Variants in KANK1 observed in about 807,000 individuals in gnomAD.
KANK1 encodes the protein KN motif and ankyrin repeat domains 1, also known as KN motif and ankyrin repeat domain-containing protein 1.
Under a neutral mutation model 106.2 loss-of-function variants are expected in KANK1, and 109 were observed. That is an observed-to-expected ratio of 1.03 (90% CI 0.88 to 1.20). The LOEUF (loss-of-function observed/expected upper bound fraction) is 1.20, where lower values mean the gene tolerates loss of function less well. Ranked by LOEUF, KANK1 falls within the 50% of genes most tolerant of loss-of-function variation. The pLI, the probability that KANK1 is intolerant of heterozygous loss-of-function variation, is 0.00. For synonymous variants in KANK1, 873 were observed against 652.2 expected, an observed-to-expected ratio of 1.34 and a Z score of -5.16; for missense variants, 2,399 against 1,710.7, an observed-to-expected ratio of 1.40 and a Z score of -7.10.
chr9:738,897 G>C (rs1834554104), intron 8 of KANK1, among the ~76,000 whole-genome samples: 1 of 152,200 alleles, frequency 6.6e-6, no homozygotes, highest in Non-Finnish European at 1.5e-5. Context: ...CTTGGTGCGT[G>C]TGGACCACTT....
chr9:570,731 T>C (rs1416062395), intron 1 of KANK1, among the ~76,000 whole-genome samples: 1 of 152,220 alleles, frequency 6.6e-6, no homozygotes, highest in Non-Finnish European at 1.5e-5. Context: ...TTTTAGGAAA[T>C]ATGCATGCTA....
chr9:536,449 C>T (rs914092228), intron 1 of KANK1, among the ~76,000 whole-genome samples: 3 of 152,094 alleles, frequency 2.0e-5, no homozygotes, highest in African/African-American at 7.2e-5. Context: ...GGACCAGTTC[C>T]TTCTGAAGGT....
At chr9:569,516 C>T (rs1330830777) in intron 1 of KANK1, among the ~76,000 whole-genome samples, 2 of 152,142 alleles carry the variant, frequency 1.3e-5, no homozygotes, top group Admixed American at 1.3e-4. Flanking sequence ...TCTGTCAAGT[C>T]CCCACCAGCA....
chr9:523,732 G>A (rs780180266), intron 1 of KANK1, among the ~76,000 whole-genome samples: 20 of 151,560 alleles, frequency 1.3e-4, no homozygotes, highest in Non-Finnish European at 2.2e-4. Flanking sequence ...TTGCTCAGAT[G>A]TCACCATGTC....
intron 1 of KANK1, among the ~76,000 whole-genome samples, chr9:606,566 AT>A (rs1487290827): frequency 3.7e-5 from 5 of 136,276 alleles, no homozygotes; most frequent in East Asian, 3.9e-4. Context: ...CAGAAAAAAA[AT>A]ATATGTGTGT....
chr9:561,597 A>G (rs1816461462), intron 1 of KANK1, among the ~76,000 whole-genome samples: 1 of 152,228 alleles, frequency 6.6e-6, no homozygotes. Flanking sequence ...GCTTTTGAAT[A>G]CTTATTGCCA....
chr9:544,968 C>T (rs2060842647), intron 1 of KANK1, among the ~76,000 whole-genome samples: 2 of 152,062 alleles, frequency 1.3e-5, no homozygotes, highest in South Asian at 2.1e-4. Context: ...GTGAGGATGG[C>T]CTGAGAACGG....
intron 5 of KANK1, 182 bp downstream of exon 5, chr9:731,448 G>A (rs1308397217): frequency 8.2e-6 from 4 of 490,400 alleles, no homozygotes. Flanking sequence ...TGTCTTTAAG[G>A]ATTTGTCACT....
chr9:700,984 T>A (rs1324415712), intron 2 of KANK1, among the ~76,000 whole-genome samples: 2 of 152,184 alleles, frequency 1.3e-5, no homozygotes, highest in African/African-American at 4.8e-5. Context: ...TTGCTCATAT[T>A]AAAGAATGGC....
intron 10 of KANK1, among the ~76,000 whole-genome samples, chr9:743,435 T>A (rs1354864546): frequency 6.6e-6 from 1 of 152,090 alleles, no homozygotes; most frequent in East Asian, 1.9e-4. Context: ...TCCAGAAGAG[T>A]TTGTTAGCTG....
intron 1 of KANK1, among the ~76,000 whole-genome samples, chr9:648,645 G>C (rs1010837686): frequency 5.3e-5 from 8 of 152,212 alleles, no homozygotes; most frequent in Non-Finnish European, 1.0e-4. Context: ...CAAAGGTAGA[G>C]TGTAATAAGT....
intron 1 of KANK1, among the ~76,000 whole-genome samples, chr9:667,459 G>C (rs1219586468): frequency 3.3e-5 from 5 of 151,496 alleles, no homozygotes; most frequent in Non-Finnish European, 7.4e-5. Context: ...ATTTGGGTTT[G>C]GCTTGGTCTT....
chr9:494,171 G>A (rs755940477), intron 3 of KANK1, among the ~76,000 whole-genome samples: 9 of 152,268 alleles, frequency 5.9e-5, no homozygotes, highest in Admixed American at 1.3e-4. Context: ...ATGAGCCACC[G>A]CACCCAGCAA....
intron 2 of KANK1, chr9:707,274 C>T: frequency 1.0e-6 from 1 of 974,938 alleles, no homozygotes; most frequent in Non-Finnish European, 1.2e-6. Flanking sequence ...CGGCGTGGGG[C>T]GGCCACCGCT....
chr9:701,500 A>G (rs1030804829), intron 2 of KANK1, among the ~76,000 whole-genome samples: 1 of 152,182 alleles, frequency 6.6e-6, no homozygotes, highest in Non-Finnish European at 1.5e-5. Context: ...CCTCAGCGCT[A>G]CTGACATTAT....
intron 1 of KANK1, among the ~76,000 whole-genome samples, chr9:597,865 C>T (rs972041454): frequency 4.0e-5 from 6 of 151,332 alleles, no homozygotes; most frequent in Admixed American, 2.0e-4. Flanking sequence ...GGGGTTTCAC[C>T]GTGTTGGCCA....
At chr9:742,753 G>C (rs768449382) in intron 10 of KANK1, among the ~76,000 whole-genome samples, 1 of 152,096 alleles carries the variant, frequency 6.6e-6, no homozygotes, top group East Asian at 1.9e-4. Context: ...CTTCTGACAG[G>C]TGCACTTGGA....
chr9:637,557 G>A (rs1327364076), intron 1 of KANK1, among the ~76,000 whole-genome samples: 1 of 152,112 alleles, frequency 6.6e-6, no homozygotes, highest in African/African-American at 2.4e-5. Context: ...CCAAGTCTGG[G>A]GTGAAGCCTG....
At position 679,459 on chromosome 9, in the gene KANK1, G is replaced by A. The variant is rs145428550; in HGVS notation, c.37+2450G>A. Among the ~76,000 whole-genome samples, 588 of 152,164 alleles carry A rather than the reference G, an allele frequency of 3.9e-3. 7 individuals carry two copies. Among genetic ancestry groups the A allele is most frequent in the African/African-American group, 0.013 (536 of 41,500 alleles). ...AGATGGAGTCTTGCTCTGTCACCCA[G>A]GCTGGAGTGCAGTGGCACGATATCG... On this transcript the variant is annotated intron_variant, in intron 2 of 11. Coordinates refer to ENST00000382297, the MANE Select transcript of KANK1 (RefSeq NM_015158.5).
Sources: allele counts gnomAD v4.1 joint callset (sites outside exome capture counted in the v4.1 genomes callset), GRCh38; gene constraint gnomAD v4.1.1; transcripts MANE v1.5; gene names NCBI Gene and HGNC (gene_info 2026-07-23, HGNC 2026-07-21).